MBNL3: variants seen among roughly 807,000 people sequenced by gnomAD.
MBNL3 encodes the protein muscleblind-like protein 3.
A neutral mutation model predicts 24.5 loss-of-function variants in MBNL3; 6 were observed. That is an observed-to-expected ratio of 0.25 (90% CI 0.13 to 0.48). The LOEUF (loss-of-function observed/expected upper bound fraction) is 0.48, where lower values mean the gene tolerates loss of function less well. Ranked by LOEUF, MBNL3 falls within the 20% of genes least tolerant of loss-of-function variation. The probability of loss-of-function intolerance (pLI) is 0.99; values close to 1 mark genes in which losing one functional copy is unlikely to be tolerated. For synonymous variants in MBNL3, 100 were observed against 101.7 expected (o/e 0.98, Z 0.10); for missense variants, 230 against 293.5 (o/e 0.78, Z 1.58).
At chrX:132,477,880 T>C (rs1270997975) in intron 1 of MBNL3, among the ~76,000 whole-genome samples, 1 of 112,004 alleles carries the variant, frequency 8.9e-6, no homozygotes, top group African/African-American at 3.2e-5. Context: ...ACTTTCAGCT[T>C]ATGCCTCATC....
rs192069578 is a variant in MBNL3 at position 132,450,689 on chromosome X, G to A, written c.-703-10375C>T. Among the ~76,000 whole-genome samples, 10 of 111,877 alleles carry A rather than the reference G, an allele frequency of 8.9e-5. No homozygotes were observed. In the East Asian group the frequency reaches 2.3e-3, roughly 25 times the overall value. ...TGTCAATTCATCAAACTCATTCTTC[G>A]TCCAGTTTTGTTTCCTTGCTGGCGA... On this transcript the variant is annotated intron_variant, in intron 1 of 8. Transcript: ENST00000370853.
In MBNL3 at chrX:132,426,138, A is replaced by C. The variant is rs1944287116; in HGVS notation, c.177+13297T>G. ...TCTCCCTCTTTCAAAGTGTTTCAAC[A>C]ATCTCATGTTTCATTCAACAAATAT... On this transcript the variant is annotated intron_variant, in intron 2 of 8. Transcript: ENST00000370853. 2.7e-5 allele frequency among the ~76,000 whole-genome samples: 3 copies of C among 112,235 alleles called. No individual in the cohort carries two copies. In the South Asian group the frequency reaches 1.1e-3, roughly 42 times the overall value.
intron 1 of MBNL3, among the ~76,000 whole-genome samples, chrX:132,447,884 G>A (rs1945820661): frequency 9.0e-6 from 1 of 111,598 alleles, no homozygotes; most frequent in Non-Finnish European, 1.9e-5. Context: ...ATTGGCTGTG[G>A]GTTTCTCATA....
At chrX:132,437,849 T>G (rs1201862638) in intron 2 of MBNL3, 1 of 442,918 alleles carries the variant, frequency 2.3e-6, no homozygotes, top group Non-Finnish European at 2.8e-6. Context: ...TTAGTCATAA[T>G]GTCTACCACA....
At chrX:132,460,344 C>T (rs192513763) in intron 1 of MBNL3, among the ~76,000 whole-genome samples, 5 of 111,663 alleles carry the variant, frequency 4.5e-5, no homozygotes, top group South Asian at 3.8e-4. Flanking sequence ...TTTTTTGAAA[C>T]GTGTAACAGT....
chrX:132,409,112 G>C (rs6637998), intron 2 of MBNL3, among the ~76,000 whole-genome samples: 10,004 of 111,759 alleles, frequency 0.09, 446 homozygotes, highest in African/African-American at 0.17. Context: ...AACGACTTTA[G>C]AACTCAGGAT....
intron 3 of MBNL3, among the ~76,000 whole-genome samples, chrX:132,396,856 T>A (rs866222286): frequency 5.2e-5 from 3 of 57,349 alleles, no homozygotes; most frequent in Non-Finnish European, 8.3e-5. Context: ...ACATATATAT[T>A]CATATATATA....
At chrX:132,414,093 T>C (rs756281904) in intron 2 of MBNL3, among the ~76,000 whole-genome samples, 6 of 112,040 alleles carry the variant, frequency 5.4e-5, no homozygotes, top group Admixed American at 4.7e-4. Flanking sequence ...ATTATTTGCA[T>C]AGATATCTTT....
At position 132,378,591 on chromosome X, in the gene MBNL3, A is replaced by ACTAT. The variant is rs1266174931; in HGVS notation, c.*1071_*1074dup. On this transcript the variant is annotated 3_prime_UTR_variant, in exon 9 of 9. Coordinates refer to ENST00000370853, the MANE Select transcript of MBNL3 (RefSeq NM_001386889.1). ...ACACACTTTCCTCCAGTACGTAAAA[A>ACTAT]CTATCTCCATGCCCCCATCTCTCCG... 1 of 111,814 alleles carries ACTAT rather than the reference A, an allele frequency of 8.9e-6. No homozygotes were observed. Among genetic ancestry groups the ACTAT allele is most frequent in the Admixed American group, 9.5e-5 (1 of 10,503 alleles). The allele number at this position is 111,814 out of a possible 1,213,427, so 9.2% of individuals were successfully genotyped here.
intron 7 of MBNL3, 31 bp from the exon 8 acceptor site, chrX:132,382,303 C>T (rs758648384): frequency 1.5e-4 from 168 of 1,103,020 alleles, no homozygotes; most frequent in South Asian, 5.0e-4. Flanking sequence ...AAGCAACACA[C>T]GGGAGGGTAG....
In MBNL3 at chrX:132,411,163, C is replaced by G. The variant is rs976823654; in HGVS notation, c.178-4771G>C. 3 of 752,171 alleles carry G rather than the reference C, an allele frequency of 4.0e-6. No individual in the cohort carries two copies. The African/African-American group carries it at 7.0e-5, about 18-fold the overall frequency. The allele number at this position is 752,171 out of a possible 1,213,427, so 62.0% of individuals were successfully genotyped here. Reference sequence around the variant, plus strand: ...TGGAGAGGGCCAGCCAAGTACCCCCCACCATTGCAGCCAGCACTGTACCCA... The same window carrying G: ...TGGAGAGGGCCAGCCAAGTACCCCCGACCATTGCAGCCAGCACTGTACCCA... On this transcript the variant is annotated intron_variant, in intron 2 of 8. Transcript: ENST00000370853.
chrX:132,426,671 C>G (rs111385374), intron 2 of MBNL3, among the ~76,000 whole-genome samples: 5 of 111,584 alleles, frequency 4.5e-5, no homozygotes, highest in African/African-American at 1.6e-4. Flanking sequence ...TGCCATGACT[C>G]CATCTTCAAC....
At chrX:132,384,818 T>C in intron 6 of MBNL3, 120 bp from the exon 7 acceptor site, 1 of 527,116 alleles carries the variant, frequency 1.9e-6, no homozygotes, top group Non-Finnish European at 2.8e-6. Context: ...ACTCAGCACA[T>C]GCAAGTCCAA....
chrX:132,480,356 A>G (rs1947664325), intron 1 of MBNL3, among the ~76,000 whole-genome samples: 2 of 112,193 alleles, frequency 1.8e-5, no homozygotes, highest in Admixed American at 1.9e-4. Flanking sequence ...CACTTTACTA[A>G]TGATGAGTTA....
chrX:132,385,257 T>G (rs1935792367), intron 6 of MBNL3, among the ~76,000 whole-genome samples: 1 of 111,258 alleles, frequency 9.0e-6, no homozygotes, highest in Non-Finnish European at 1.9e-5. Flanking sequence ...AAACTAGATT[T>G]TATGTTGGCC....
At chrX:132,431,369 G>C (rs1944716239) in intron 2 of MBNL3, 1 of 111,341 alleles carries the variant, frequency 9.0e-6, no homozygotes, top group Admixed American at 9.5e-5. Flanking sequence ...GTAAACTATG[G>C]ACTCATGGGC....
chrX:132,417,261 GAACTA>G (rs1176179964), intron 2 of MBNL3, among the ~76,000 whole-genome samples: 1 of 111,127 alleles, frequency 9.0e-6, no homozygotes, highest in Non-Finnish European at 1.9e-5. Context: ...AATATTTAAA[GAACTA>G]AACAAGGCCC....
At chrX:132,445,950 C>T (rs933820138) in intron 1 of MBNL3, among the ~76,000 whole-genome samples, 5 of 111,108 alleles carry the variant, frequency 4.5e-5, no homozygotes, top group African/African-American at 6.6e-5. Context: ...CCCTTAGCTC[C>T]CCACCCTCCA....
At chrX:132,389,921 G>A (rs1443481424) in intron 5 of MBNL3, among the ~76,000 whole-genome samples, 3 of 110,361 alleles carry the variant, frequency 2.7e-5, no homozygotes, top group East Asian at 2.8e-4. Flanking sequence ...GGCTGCGCAC[G>A]GTAGCTCATG....
Sources: allele counts gnomAD v4.1 joint callset (sites outside exome capture counted in the v4.1 genomes callset), GRCh38; gene constraint gnomAD v4.1.1; transcripts MANE v1.5; gene names NCBI Gene and HGNC (gene_info 2026-07-23, HGNC 2026-07-21).